The following DCDC1 variants were observed in gnomAD, a reference collection of about 807,000 sequenced individuals.
DCDC1 encodes the protein doublecortin domain-containing protein 1.
A neutral mutation model predicts 178.3 loss-of-function variants in DCDC1; 200 were observed. The ratio of observed to expected loss-of-function variants is 1.12; its 90% CI spans 1.00 to 1.26. The LOEUF (loss-of-function observed/expected upper bound fraction) is 1.26. DCDC1 is among the 50% of genes most tolerant of loss of function. The pLI is 0.00. For missense variants in DCDC1, 1,983 were observed against 1,749.2 expected (o/e 1.13, Z -2.38); for synonymous variants, 690 against 604.8 (o/e 1.14, Z -2.07).
intron 38 of DCDC1, among the ~76,000 whole-genome samples, chr11:30,873,884 T>G (rs1941875532): frequency 6.6e-6 from 1 of 152,192 alleles, no homozygotes; most frequent in South Asian, 2.1e-4. Flanking sequence ...AGCAAGATTT[T>G]ATCAGCACTG....
At chr11:31,055,696 T>C (rs1455667870) in intron 20 of DCDC1, among the ~76,000 whole-genome samples, 1 of 152,198 alleles carries the variant, frequency 6.6e-6, no homozygotes, top group African/African-American at 2.4e-5. Flanking sequence ...ATTAACAGCA[T>C]TTGCAGTGAC....
intron 34 of DCDC1, 142 bp downstream of exon 34, chr11:30,899,399 G>A: frequency 2.0e-6 from 1 of 495,492 alleles, no homozygotes; most frequent in East Asian, 3.6e-5. Context: ...TTGCTCAAAT[G>A]ATTTCTGTAA....
At chr11:31,140,753 G>T (rs1963720289) in intron 9 of DCDC1, among the ~76,000 whole-genome samples, 1 of 152,044 alleles carries the variant, frequency 6.6e-6, no homozygotes, top group African/African-American at 2.4e-5. Flanking sequence ...AGTTAGTTTA[G>T]AAACTAAGGG....
intron 7 of DCDC1, among the ~76,000 whole-genome samples, chr11:31,267,068 G>A (rs964608916): frequency 2.0e-5 from 3 of 152,158 alleles, no homozygotes; most frequent in Non-Finnish European, 1.5e-5. Flanking sequence ...CATTCAAAGG[G>A]TTGCATGTTT....
chr11:31,068,979 G>C (rs776534151), intron 18 of DCDC1, among the ~76,000 whole-genome samples: 1 of 152,052 alleles, frequency 6.6e-6, no homozygotes, highest in Admixed American at 6.5e-5. Context: ...AGCCTCCCGA[G>C]TAGCTGGGAC....
intron 36 of DCDC1, 98 bp from the exon 37 acceptor site, chr11:30,881,406 T>G: frequency 7.0e-7 from 1 of 1,431,152 alleles, no homozygotes; most frequent in Non-Finnish European, 9.5e-7. Flanking sequence ...TATCCCAGTT[T>G]GATTATTTGC....
At chr11:31,144,518 C>T (rs1226281200) in intron 9 of DCDC1, among the ~76,000 whole-genome samples, 2 of 152,146 alleles carry the variant, frequency 1.3e-5, no homozygotes, top group Non-Finnish European at 2.9e-5. Flanking sequence ...TTTTCACTAG[C>T]TATAAATAAA....
intron 25 of DCDC1, 25 bp downstream of exon 25, chr11:30,920,751 T>C (rs1357122085): frequency 6.2e-7 from 1 of 1,610,630 alleles, no homozygotes; most frequent in Admixed American, 1.7e-5. Flanking sequence ...GCCAGGTAGC[T>C]TTTCAGGCTA....
At chr11:30,906,007 G>T (rs996102278) in intron 30 of DCDC1, among the ~76,000 whole-genome samples, 2 of 152,048 alleles carry the variant, frequency 1.3e-5, no homozygotes, top group African/African-American at 4.8e-5. Flanking sequence ...TGAAAGGGAG[G>T]GTTTTTTAAA....
intron 18 of DCDC1, 72 bp downstream of exon 18, chr11:31,077,793 G>T: frequency 2.7e-6 from 2 of 731,994 alleles, no homozygotes; most frequent in Admixed American, 1.9e-5. Flanking sequence ...CTAAACAATA[G>T]ATAGTACCCT....
intron 20 of DCDC1, among the ~76,000 whole-genome samples, chr11:31,041,198 T>G (rs1954426733): frequency 6.6e-6 from 1 of 152,168 alleles, no homozygotes; most frequent in African/African-American, 2.4e-5. Context: ...GGGAGGGCAT[T>G]AACTTTTAAA....
intron 9 of DCDC1, among the ~76,000 whole-genome samples, chr11:31,236,665 T>G (rs1490087632): frequency 6.6e-6 from 1 of 151,790 alleles, no homozygotes; most frequent in Admixed American, 6.6e-5. Context: ...AAATCAACAA[T>G]CACTCAAATC....
Position 30,904,950 on chromosome 11 carries a change from T to C in DCDC1, c.4308+11A>G. 6.2e-7 allele frequency: 1 copy of C among 1,613,346 alleles called. No homozygotes were observed. Reference sequence around the variant, plus strand: ...GAAGATGCAAGCAGCATTTAAGTGATAGCCACTTACCATGGGGAATGTTCC... The same window carrying C: ...GAAGATGCAAGCAGCATTTAAGTGACAGCCACTTACCATGGGGAATGTTCC... On this transcript the variant is annotated intron_variant, in intron 31 of 38. Coordinates refer to ENST00000684477, the MANE Select transcript of DCDC1 (RefSeq NM_001387274.1).
intron 8 of DCDC1, among the ~76,000 whole-genome samples, chr11:31,255,489 G>C (rs750805368): frequency 8.7e-5 from 13 of 148,670 alleles, no homozygotes; most frequent in Non-Finnish European, 1.6e-4. Flanking sequence ...GTGTGTGTGA[G>C]TATGTGTGTG....
At chr11:31,129,224 A>G (rs542410377) in intron 10 of DCDC1, among the ~76,000 whole-genome samples, 3 of 152,282 alleles carry the variant, frequency 2.0e-5, no homozygotes, top group South Asian at 4.1e-4. Context: ...GTATATGTAT[A>G]CATATAAATT....
chr11:31,323,184 C>T (rs1355080662), intron 3 of DCDC1, among the ~76,000 whole-genome samples: 1 of 152,088 alleles, frequency 6.6e-6, no homozygotes, highest in African/African-American at 2.4e-5. Context: ...CATAAATTTG[C>T]ATGTGGCTAA....
At chr11:31,330,331 C>G (rs577235292) in intron 2 of DCDC1, among the ~76,000 whole-genome samples, 3 of 152,280 alleles carry the variant, frequency 2.0e-5, no homozygotes, top group East Asian at 3.9e-4. Context: ...CAAAAATTTT[C>G]TCCCATTCTG....
intron 8 of DCDC1, among the ~76,000 whole-genome samples, chr11:31,262,132 T>A (rs1390804230): frequency 6.6e-6 from 1 of 152,140 alleles, no homozygotes; most frequent in Non-Finnish European, 1.5e-5. Flanking sequence ...GTAGGCACAG[T>A]GGCCTGCACC....
intron 1 of DCDC1, among the ~76,000 whole-genome samples, chr11:31,337,755 C>G (rs1950345472): frequency 6.6e-6 from 1 of 152,074 alleles, no homozygotes; most frequent in Non-Finnish European, 1.5e-5. Flanking sequence ...TGTTAGGTGA[C>G]CTCAAAGGAA....
Sources: allele counts gnomAD v4.1 joint callset (sites outside exome capture counted in the v4.1 genomes callset), GRCh38; gene constraint gnomAD v4.1.1; transcripts MANE v1.5; gene names NCBI Gene and HGNC (gene_info 2026-07-23, HGNC 2026-07-21).